Variants in KIN observed in about 807,000 individuals in gnomAD.
KIN encodes DNA/RNA-binding protein KIN17.
A neutral mutation model predicts 63.0 loss-of-function variants in KIN; 47 were observed. The ratio of observed to expected loss-of-function variants is 0.75; its 90% confidence interval spans 0.59 to 0.95. The LOEUF is 0.95. KIN is among the 40% of genes least tolerant of loss of function. The pLI is 0.00. For synonymous variants in KIN, 160 were observed against 157.7 expected, an observed-to-expected ratio of 1.01 and a Z score of -0.11; for missense variants, 408 against 460.9, an observed-to-expected ratio of 0.89 and a Z score of 1.05.
At position 7,769,295 on chromosome 10, in the gene KIN, T is replaced by C. The variant is rs375024826; in HGVS notation, c.719A>G (p.Lys240Arg). 5.6e-6 allele frequency: 9 copies of C among 1,613,768 alleles called. No individual in the cohort carries two copies. The African/African-American group carries it at 6.7e-5, about 12-fold the overall frequency. Reference sequence around the variant, plus strand: ...TGAGCTCTGGGAAGATTCTTTTCGTTTCACTGATGCTGAACTTCCTATCGT... The same window carrying C: ...TGAGCTCTGGGAAGATTCTTTTCGTCTCACTGATGCTGAACTTCCTATCGT... ...LKTIGSSASV[K>R]RKESSQSSTQ... Residue 240 changes from lysine (K) to arginine (R), a missense_variant, in exon 8 of 13, where the codon AAA becomes AGA. By Grantham distance (26) the Lys-to-Arg change is conservative. Transcript: ENST00000379562.
At chr10:7,772,496 T>C (rs1835686673) in intron 7 of KIN, among the ~76,000 whole-genome samples, 1 of 152,182 alleles carries the variant, frequency 6.6e-6, no homozygotes, top group Non-Finnish European at 1.5e-5. Context: ...TTTCAAGCAA[T>C]AAGGGGGCTC....
At position 7,754,118 on chromosome 10, in the gene KIN, T is replaced by C. The variant is rs1033071836; in HGVS notation, c.*1962A>G. On this transcript the variant is annotated 3_prime_UTR_variant, in exon 13 of 13. Coordinates refer to ENST00000379562, the MANE Select transcript of KIN (RefSeq NM_012311.4). Reference sequence around the variant, plus strand: ...GCCGAGGCAGGAGGATTGCTTGAGCTCAAGAGTTTGAGACCAGCCTGGGCA... The same window carrying C: ...GCCGAGGCAGGAGGATTGCTTGAGCCCAAGAGTTTGAGACCAGCCTGGGCA... 2 of 455,554 alleles carry C rather than the reference T, an allele frequency of 4.4e-6. No homozygotes were observed. Among genetic ancestry groups the C allele is most frequent in the African/African-American group, 4.0e-5 (2 of 50,016 alleles). The allele number at this position is 455,554 out of a possible 1,614,324, so 28.2% of individuals were successfully genotyped here.
At chr10:7,779,134 G>A (rs1393663337) in intron 4 of KIN, 115 bp from the exon 5 acceptor site, 22 of 1,227,424 alleles carry the variant, frequency 1.8e-5, no homozygotes, top group South Asian at 1.0e-4. Flanking sequence ...CAGGCCGAGC[G>A]CAGTGGCTTA....
intron 12 of KIN, among the ~76,000 whole-genome samples, chr10:7,758,010 ATTT>A (rs34809948): frequency 0.12 from 17,209 of 138,846 alleles, 1,205 homozygotes; most frequent in East Asian, 0.29. Context: ...ATATACAGAG[ATTT>A]TTTTTTTTTT....
chr10:7,775,683 G>T (rs1048320350), intron 6 of KIN, 68 bp downstream of exon 6: 46 of 768,424 alleles, frequency 6.0e-5, no homozygotes, highest in Admixed American at 1.4e-4. Context: ...TTGACAAGTT[G>T]CATTTTTAAC....
chr10:7,780,538 G>C (rs1017495542), intron 2 of KIN, among the ~76,000 whole-genome samples: 2 of 151,996 alleles, frequency 1.3e-5, no homozygotes, highest in Non-Finnish European at 2.9e-5. Context: ...AGGATTACAG[G>C]GGTCCACCAC....
At chr10:7,785,577 G>A (rs1030771120) in intron 1 of KIN, among the ~76,000 whole-genome samples, 19 of 152,172 alleles carry the variant, frequency 1.2e-4, no homozygotes, top group African/African-American at 4.6e-4. Context: ...TGAATTACCT[G>A]AGGTCGGGAG....
At chr10:7,763,474 G>A (rs1835476492) in intron 10 of KIN, among the ~76,000 whole-genome samples, 1 of 152,202 alleles carries the variant, frequency 6.6e-6, no homozygotes, top group African/African-American at 2.4e-5. Context: ...TTTTGAAGAG[G>A]TGCTGATGGG....
rs1468436480 is a variant in KIN, at chr10:7,752,141, C to T, written c.*3939G>A. 1 of 151,956 alleles carries T rather than the reference C, an allele frequency of 6.6e-6. No homozygotes were observed. The highest frequency in any genetic ancestry group is 1.5e-5 in the Non-Finnish European group (1 of 68,000). 9.4% of individuals were successfully genotyped at this position (151,956 alleles called of 1,614,324 possible). ...GCTTAAAACAAAATGAGAAGACAGG[C>T]CACTGACTGAGAGAAAATACTTGCA... is the stretch of plus-strand genomic sequence containing the variant. On this transcript the variant is annotated 3_prime_UTR_variant, in exon 13 of 13. Coordinates refer to ENST00000379562, the MANE Select transcript of KIN (RefSeq NM_012311.4).
At chr10:7,771,207 G>T (rs1835660374) in intron 7 of KIN, among the ~76,000 whole-genome samples, 1 of 152,082 alleles carries the variant, frequency 6.6e-6, no homozygotes, top group South Asian at 2.1e-4. Context: ...TTTGAACTAG[G>T]GATCCAGGGA....
chr10:7,760,183 A>T (rs1835412897), intron 11 of KIN, among the ~76,000 whole-genome samples, 193 bp from the exon 12 acceptor site: 1 of 152,204 alleles, frequency 6.6e-6, no homozygotes, highest in Admixed American at 6.5e-5. Context: ...CTCGAACATT[A>T]TAAGACTTCT....
chr10:7,756,881 G>T (rs1275840192), intron 12 of KIN, among the ~76,000 whole-genome samples: 1 of 152,136 alleles, frequency 6.6e-6, no homozygotes, highest in Admixed American at 6.5e-5. Context: ...AACAAAAAGG[G>T]AAAGAGGAAA....
At chr10:7,767,302 T>A (rs1293055853) in intron 8 of KIN, among the ~76,000 whole-genome samples, 1 of 152,016 alleles carries the variant, frequency 6.6e-6, no homozygotes, top group Non-Finnish European at 1.5e-5. Flanking sequence ...GTTCACAGGA[T>A]CTCTCCCCAG....
chr10:7,768,444 C>T (rs947002989), intron 8 of KIN, among the ~76,000 whole-genome samples: 1 of 152,066 alleles, frequency 6.6e-6, no homozygotes, highest in African/African-American at 2.4e-5. Flanking sequence ...TCTCTTGAAC[C>T]TGGGGAGCGG....
intron 2 of KIN, among the ~76,000 whole-genome samples, chr10:7,781,590 A>ACACACACACG (rs1238582248): frequency 2.0e-5 from 3 of 149,114 alleles, no homozygotes; most frequent in African/African-American, 7.4e-5. Context: ...CTGTCTCTAC[A>ACACACACACG]CACACACACA....
Position 7,763,806 on chromosome 10 carries a change from C to CA in KIN, c.850-16dup, listed in dbSNP as rs551790542. 2.1e-4 allele frequency: 245 copies of CA among 1,179,248 alleles called. No homozygotes were observed. In the Middle Eastern group the frequency reaches 2.7e-3, roughly 13 times the overall value. 73.0% of individuals were successfully genotyped at this position (1,179,248 alleles called of 1,614,324 possible). Reference sequence around the variant, plus strand: ...ACAATAATTTCCTAGAAAATAATAACAAAAAAAATGAAAGGAAAGACAGAA... The same window carrying CA: ...ACAATAATTTCCTAGAAAATAATAACAAAAAAAAATGAAAGGAAAGACAGAA... On this transcript the variant is annotated splice_polypyrimidine_tract_variant and intron_variant, in intron 9 of 12. Coordinates refer to ENST00000379562, the MANE Select transcript of KIN (RefSeq NM_012311.4).
In KIN at chr10:7,769,382, C is replaced by A. The variant is rs755012403; in HGVS notation, c.669-37G>T. 1.9e-5 allele frequency: 31 copies of A among 1,590,104 alleles called. No homozygotes were observed. In the African/African-American group the frequency reaches 3.7e-4, roughly 19 times the overall value. The stretch of plus-strand genomic sequence containing the variant: ...GAGAACCATGCTTGTTACCAAGAAC[C>A]ATACACAGACGAATGCTTTACGATG... On this transcript the variant is annotated intron_variant, in intron 7 of 12. Transcript: ENST00000379562.
chr10:7,781,356 G>T (rs756977964), intron 2 of KIN, among the ~76,000 whole-genome samples: 1 of 152,164 alleles, frequency 6.6e-6, no homozygotes, highest in South Asian at 2.1e-4. Flanking sequence ...TAAGGGAGAC[G>T]AGGTGGCTGG....
At chr10:7,774,077 T>A (rs538860466) in intron 7 of KIN, among the ~76,000 whole-genome samples, 1 of 152,332 alleles carries the variant, frequency 6.6e-6, no homozygotes, top group East Asian at 1.9e-4. Context: ...TCCTGCACTG[T>A]CCATGGCTGC....
Sources: allele counts gnomAD v4.1 joint callset (sites outside exome capture counted in the v4.1 genomes callset), GRCh38; gene constraint gnomAD v4.1.1; transcripts MANE v1.5; gene names NCBI Gene and HGNC (gene_info 2026-07-23, HGNC 2026-07-21).